ZBTB38: variants seen among roughly 807,000 people sequenced by gnomAD.
ZBTB38 encodes the protein zinc finger and BTB domain-containing protein 38.
Under a neutral mutation model 76.8 loss-of-function variants are expected in ZBTB38, and 20 were observed. The observed-to-expected ratio is 0.26, with a 90% CI of 0.18 to 0.38. The LOEUF is 0.38. ZBTB38 is among the 10% of genes least tolerant of loss of function. ZBTB38 has a pLI of 1.00. For missense variants in ZBTB38, 1,082 were observed against 1,482.3 expected (o/e 0.73, Z 4.43); for synonymous variants, 504 against 544.2 (o/e 0.93, Z 1.03).
At chr3:141,424,906 T>C (rs562223506) in intron 5 of ZBTB38, among the ~76,000 whole-genome samples, 84 of 152,332 alleles carry the variant, frequency 5.5e-4, no homozygotes, top group African/African-American at 1.9e-3. Context: ...GTAATAGTAA[T>C]AATAATAATA....
At chr3:141,429,345 G>A (rs563025757) in intron 5 of ZBTB38, among the ~76,000 whole-genome samples, 1 of 152,008 alleles carries the variant, frequency 6.6e-6, no homozygotes, top group South Asian at 2.1e-4. Context: ...TGAGTGCAGG[G>A]GATGGCGGCA....
rs73872714 is a variant in ZBTB38, at chr3:141,413,466, C to T, written c.-1+9435C>T. 3.4e-3 allele frequency among the ~76,000 whole-genome samples: 518 copies of T among 152,242 alleles called. 7 individuals carry two copies. Among genetic ancestry groups the T allele is most frequent in the African/African-American group, 0.012 (492 of 41,538 alleles). On this transcript the variant is annotated intron_variant, in intron 5 of 5. Transcript: ENST00000321464. The surrounding 1 kb of genome is among the most constrained non-coding windows in gnomAD (Gnocchi z 4.1). ...GTGGAGATGCTTCATGGTGTTGACC[C>T]TATTGTTTTGAATACCTGACAGCTG...
At chr3:141,424,713 ATTAG>A in intron 5 of ZBTB38, among the ~76,000 whole-genome samples, 1 of 152,084 alleles carries the variant, frequency 6.6e-6, no homozygotes, top group Non-Finnish European at 1.5e-5. Context: ...AGAAAGAATA[ATTAG>A]TTAATGAGCC....
chr3:141,340,949 G>GGAAAGAAAGAAA (rs56095613), intron 1 of ZBTB38, among the ~76,000 whole-genome samples: 21,725 of 111,354 alleles, frequency 0.2, 2,430 homozygotes, highest in South Asian at 0.22. Context: ...AAAGAAAGAA[G>GGAAAGAAAGAAA]GAAAGAAAGA....
intron 5 of ZBTB38, chr3:141,426,213 G>A: frequency 7.8e-7 from 1 of 1,288,704 alleles, no homozygotes; most frequent in Non-Finnish European, 1.0e-6. Context: ...GCCAGGTCGT[G>A]CGGACTATAT....
chr3:141,441,041 AAAAAAAAAAGAAAAG>A (rs1297804594), intron 5 of ZBTB38, among the ~76,000 whole-genome samples: 5 of 151,634 alleles, frequency 3.3e-5, no homozygotes, highest in Middle Eastern at 3.2e-3. Flanking sequence ...TCAAAAAAAA[AAAAAAAAAAGAAAAG>A]AAAAAGAAAG....
chr3:141,447,134 C>G lies in ZBTB38; in HGVS notation c.*1158C>G, dbSNP rs972817791. On this transcript the variant is annotated 3_prime_UTR_variant, in exon 6 of 6. Transcript: ENST00000321464. ...CTAGCCTTGTTGGAGATTATGCAGC[C>G]CACAAGTACAGACTAGTATAAAGCA... 1 of 152,510 alleles carries G rather than the reference C, an allele frequency of 6.6e-6. No individual in the cohort carries two copies. Among genetic ancestry groups the G allele is most frequent in the East Asian group, 1.9e-4 (1 of 5,186 alleles). 9.4% of individuals were successfully genotyped at this position (152,510 alleles called of 1,614,324 possible).
intron 3 of ZBTB38, chr3:141,386,355 G>A (rs1437695188): frequency 6.6e-6 from 1 of 152,040 alleles, no homozygotes; most frequent in Non-Finnish European, 1.5e-5. Flanking sequence ...AAATTCTGAG[G>A]CGGTATCTGC....
chr3:141,448,041 A>G lies in ZBTB38; in HGVS notation c.*2065A>G, dbSNP rs888347960. On this transcript the variant is annotated 3_prime_UTR_variant, in exon 6 of 6. Transcript: ENST00000321464. ...TACGAAAATCATTTTTGAATTGATAATTAGAATATTGAATAAGCAATCCTA... is the reference window on the plus strand; with the variant it reads ...TACGAAAATCATTTTTGAATTGATAGTTAGAATATTGAATAAGCAATCCTA... 5.2e-5 allele frequency: 8 copies of G among 152,664 alleles called. No individual in the cohort carries two copies. Among genetic ancestry groups the G allele is most frequent in the African/African-American group, 1.9e-4 (8 of 41,468 alleles). 9.5% of individuals were successfully genotyped at this position (152,664 alleles called of 1,614,324 possible). A position where few individuals can be genotyped will look rare whatever the true frequency, so the allele number is the denominator to read the frequency against.
At chr3:141,343,503 T>C (rs1165495395) in intron 1 of ZBTB38, among the ~76,000 whole-genome samples, 1 of 152,100 alleles carries the variant, frequency 6.6e-6, no homozygotes, top group Non-Finnish European at 1.5e-5. Flanking sequence ...GGTAGAATGT[T>C]TCTCCCACAA....
chr3:141,402,859 C>T (rs1952777326), intron 4 of ZBTB38: 1 of 152,252 alleles, frequency 6.6e-6, no homozygotes, highest in Non-Finnish European at 1.5e-5. Flanking sequence ...ACAGTCACAC[C>T]TCCCGTCTCC....
chr3:141,328,372 C>T lies in ZBTB38; in HGVS notation c.-739+3916C>T, dbSNP rs916563842. On this transcript the variant is annotated intron_variant, in intron 1 of 7. Coordinates refer to the ZBTB38 transcript ENST00000509842. ...CACATGCACAGCACATCTGCAATGG[C>T]ACTTAGCACCTCCTCAAAACTTGTT... Among the ~76,000 whole-genome samples, 4 of 152,180 alleles carry T rather than the reference C, an allele frequency of 2.6e-5. No homozygotes were observed. In the East Asian group the frequency reaches 7.7e-4, roughly 29 times the overall value.
chr3:141,417,459 C>T (rs193300752), intron 5 of ZBTB38, among the ~76,000 whole-genome samples: 14 of 152,282 alleles, frequency 9.2e-5, no homozygotes, highest in Non-Finnish European at 1.3e-4. Flanking sequence ...CACATCTAAA[C>T]GCAGTAGAAC....
chr3:141,346,817 G>GTGTGTGTGTGT (rs1559915420), intron 1 of ZBTB38, among the ~76,000 whole-genome samples: 1 of 59,772 alleles, frequency 1.7e-5, no homozygotes, highest in African/African-American at 6.9e-5. Context: ...TGTGTGTGTG[G>GTGTGTGTGTGT]TGCAATGCTC....
intron 2 of ZBTB38, among the ~76,000 whole-genome samples, chr3:141,371,045 C>CTTTCTTTTTTTTTTT (rs1944498561): frequency 1.4e-5 from 1 of 72,012 alleles, no homozygotes; most frequent in African/African-American, 7.8e-5. Flanking sequence ...TTCTTTCTTT[C>CTTTCTTTTTTTTTTT]TTTTTTTTTT....
Position 141,418,148 on chromosome 3 carries a change from G to C in ZBTB38, c.-1+14117G>C, listed in dbSNP as rs372216573. 1.1e-4 allele frequency among the ~76,000 whole-genome samples: 17 copies of C among 152,250 alleles called. No homozygotes were observed. In the South Asian group the frequency reaches 2.7e-3, roughly 24 times the overall value. ...AAAGGCGATTTCAGTATGTAGTTAGGGGGTGAGAACTATGGGACTAGAGGA... is the reference window on the plus strand; with the variant it reads ...AAAGGCGATTTCAGTATGTAGTTAGCGGGTGAGAACTATGGGACTAGAGGA... On this transcript the variant is annotated intron_variant, in intron 5 of 5. Transcript: ENST00000321464.
At chr3:141,429,735 T>A (rs1337333095) in intron 5 of ZBTB38, among the ~76,000 whole-genome samples, 1 of 152,048 alleles carries the variant, frequency 6.6e-6, no homozygotes, top group Non-Finnish European at 1.5e-5. Context: ...AGAGATGGGG[T>A]GGCCCCTCCG....
At chr3:141,357,860 A>G (rs1306102955) in intron 1 of ZBTB38, among the ~76,000 whole-genome samples, 1 of 152,172 alleles carries the variant, frequency 6.6e-6, no homozygotes, top group Non-Finnish European at 1.5e-5. Context: ...CAGAGGTAAG[A>G]CCCTTAATTA....
intron 1 of ZBTB38, among the ~76,000 whole-genome samples, chr3:141,329,965 T>TA (rs888510563): frequency 2.0e-5 from 3 of 151,766 alleles, no homozygotes; most frequent in African/African-American, 4.8e-5. Context: ...CTTGCCTCTA[T>TA]AAAAAAATTT....
Sources: gnomAD v4.1 joint callset for allele counts (sites outside exome capture counted in the v4.1 genomes callset) on GRCh38, gnomAD v4.1.1 for gene constraint, Gnocchi (gnomAD v3.1) non-coding constraint, MANE v1.5 for transcripts, NCBI Gene and HGNC (gene_info 2026-07-23, HGNC 2026-07-21) for gene names.